Variants in CFAP57 observed in about 807,000 individuals in gnomAD.
CFAP57 encodes the protein cilia and flagella associated protein 57.
CFAP57 carries 116 observed loss-of-function variants against 146.8 expected under a neutral mutation model. The ratio of observed to expected loss-of-function variants is 0.79; its 90% CI spans 0.68 to 0.92. The LOEUF is 0.92. Among genes scored for constraint, CFAP57 ranks in the 40% least tolerant of loss-of-function variants. The pLI is 0.00. For missense variants in CFAP57, 1,377 were observed against 1,527.2 expected (o/e 0.90, Z 1.64); for synonymous variants, 518 against 552.8 (o/e 0.94, Z 0.88).
intron 11 of CFAP57, 108 bp from the exon 12 acceptor site, chr1:43,215,147 G>A: frequency 7.6e-7 from 1 of 1,316,422 alleles, no homozygotes; most frequent in Non-Finnish European, 1.1e-6. Context: ...ACCTCCCTGT[G>A]AGGCTGTGCC....
Position 43,172,784 on chromosome 1 carries a change from G to A in CFAP57, c.31G>A (p.Val11Ile), listed in dbSNP as rs139567559. The change falls in exon 2 of 23, where the codon GTT (valine) becomes ATT (isoleucine). Residue 11 changes from valine to isoleucine, a missense_variant. Coordinates refer to ENST00000372492, the MANE Select transcript of CFAP57 (RefSeq NM_001378189.1). MSAVVAQTLH[V>I]FGLRSHVANN... ...AGCCGTGGTAGCTCAGACGCTGCATGTTTTTGGTCTTCGATCCCACGTGGC... is the reference window on the plus strand; with the variant it reads ...AGCCGTGGTAGCTCAGACGCTGCATATTTTTGGTCTTCGATCCCACGTGGC... 183 of 1,614,150 alleles carry A rather than the reference G, an allele frequency of 1.1e-4. 1 individual carries two copies. The African/African-American group carries it at 2.1e-3, about 19-fold the overall frequency.
chr1:43,194,358 A>G (rs891930627), intron 6 of CFAP57, among the ~76,000 whole-genome samples: 7 of 151,892 alleles, frequency 4.6e-5, no homozygotes, highest in African/African-American at 1.7e-4. Context: ...TTTTCTATTG[A>G]TGCTTTCAAA....
At chr1:43,188,686 T>C (rs1443911235) in intron 6 of CFAP57, among the ~76,000 whole-genome samples, 1 of 152,244 alleles carries the variant, frequency 6.6e-6, no homozygotes, top group Non-Finnish European at 1.5e-5. Context: ...AGATATGTGA[T>C]TTGCAAATAC....
Position 43,181,525 on chromosome 1 carries a change from T to C in CFAP57, c.158-9T>C, listed in dbSNP as rs1308279773. 3.1e-5 allele frequency: 50 copies of C among 1,614,014 alleles called. No homozygotes were observed. Among genetic ancestry groups the C allele is most frequent in the Non-Finnish European group, 4.0e-5 (47 of 1,180,042 alleles). On this transcript the variant is annotated splice_polypyrimidine_tract_variant and intron_variant, in intron 2 of 22. Coordinates refer to ENST00000372492, the MANE Select transcript of CFAP57 (RefSeq NM_001378189.1). ...TACCCTGATTATTTCCTTTTTCCTC[T>C]GTTTGCAGGCTCAGAGAAGAGTCAG...
At chr1:43,248,085 G>T (rs1177654717) in intron 22 of CFAP57, among the ~76,000 whole-genome samples, 2 of 137,080 alleles carry the variant, frequency 1.5e-5, no homozygotes, top group African/African-American at 5.5e-5. Flanking sequence ...CTTGCAGTGA[G>T]CCAAGATTGC....
At chr1:43,232,752 C>T (rs1645524450) in intron 19 of CFAP57, 128 bp downstream of exon 19, 1 of 609,096 alleles carries the variant, frequency 1.6e-6, no homozygotes, top group Non-Finnish European at 2.8e-6. Flanking sequence ...AACTCACATT[C>T]TTTACTTGCT....
Position 43,219,438 on chromosome 1 carries a change from G to C in CFAP57, c.2148G>C (p.Glu716Asp). Reference protein sequence around the residue: ...TRVEELKMENEYQLRLKDMNY... With the variant: ...TRVEELKMENDYQLRLKDMNY... ...TGGAGGAATTAAAAATGGAGAATGA[G>C]TATCAACTCCGACTAAAGGACATGA... Residue 716 changes from glutamate to aspartate, a missense_variant, in exon 13 of 23, where the codon GAG (glutamate) becomes GAC (aspartate). Transcript: ENST00000372492. 6.4e-7 allele frequency: 1 copy of C among 1,550,586 alleles called. No individual in the cohort carries two copies. Among genetic ancestry groups the C allele is most frequent in the Non-Finnish European group, 8.7e-7 (1 of 1,146,984 alleles).
At position 43,185,203 on chromosome 1, in the gene CFAP57, G is replaced by T; in HGVS notation, c.816G>T (p.Val272=). 1.2e-6 allele frequency: 2 copies of T among 1,614,168 alleles called. No homozygotes were observed. The highest frequency in any genetic ancestry group is 1.6e-4 in the Middle Eastern group (1 of 6,062). ...SSPLPSYEQM[V]AASSHSQMSM... is the part of the protein sequence containing the mutation. ...CACTCCCTTCCTATGAACAGATGGT[G>T]GCGGCCAGTAGCCATAGCCAGATGT... The change falls in exon 5 of 23, where the codon GTG becomes GTT. Residue 272 remains valine (V), a synonymous_variant. Transcript: ENST00000372492.
chr1:43,199,614 AC>A (rs1402459923), intron 9 of CFAP57, 111 bp downstream of exon 9: 1 of 943,568 alleles, frequency 1.1e-6, no homozygotes, highest in Non-Finnish European at 1.7e-6. Context: ...TCATGGGTTC[AC>A]TGTCTACTTG....
Position 43,201,179 on chromosome 1 carries a change from A to G in CFAP57, c.1542+1676A>G, listed in dbSNP as rs1349860038. Among the ~76,000 whole-genome samples, 1 of 152,200 alleles carries G rather than the reference A, an allele frequency of 6.6e-6. No homozygotes were observed. The highest frequency in any genetic ancestry group is 1.9e-4 in the East Asian group (1 of 5,194). ...GTCAGAGGCATAGATTAGATCACCA[A>G]GGGCCTATGTAGAATCTGAGAAGAA... is the stretch of plus-strand genomic sequence containing the variant. On this transcript the variant is annotated intron_variant, in intron 9 of 22. Coordinates refer to ENST00000372492, the MANE Select transcript of CFAP57 (RefSeq NM_001378189.1). The surrounding 1 kb of genome is among the most constrained non-coding windows in gnomAD (Gnocchi z 4.4).
At chr1:43,242,294 A>G (rs1214456818) in intron 21 of CFAP57, among the ~76,000 whole-genome samples, 2 of 152,208 alleles carry the variant, frequency 1.3e-5, no homozygotes, top group African/African-American at 2.4e-5. Context: ...GGTGGCCACC[A>G]TGTTAAACTG....
At chr1:43,225,684 T>G (rs1217724961) in intron 17 of CFAP57, among the ~76,000 whole-genome samples, 1 of 152,250 alleles carries the variant, frequency 6.6e-6, no homozygotes, top group Non-Finnish European at 1.5e-5. Context: ...TTTACAACAT[T>G]TATCACATTT....
intron 3 of CFAP57, 151 bp downstream of exon 3, chr1:43,182,001 C>T (rs755183375): frequency 7.6e-6 from 7 of 919,264 alleles, no homozygotes; most frequent in East Asian, 2.6e-5. Context: ...AATCATTATC[C>T]CCATTTTACA....
In CFAP57 at chr1:43,199,780, G is replaced by A. The variant is rs190182387; in HGVS notation, c.1542+277G>A. 1.1e-3 allele frequency among the ~76,000 whole-genome samples: 174 copies of A among 152,198 alleles called. 3 individuals are homozygous for A. Among genetic ancestry groups the A allele is most frequent in the African/African-American group, 4.1e-3 (171 of 41,526 alleles). On this transcript the variant is annotated intron_variant, in intron 9 of 22. Coordinates refer to ENST00000372492, the MANE Select transcript of CFAP57 (RefSeq NM_001378189.1). ...CAAAGGCTTGGTCCTATAAGAGTGA[G>A]TAGGAGTTAATCAGACACAACTGGT... is the stretch of plus-strand genomic sequence containing the variant.
rs746782048 is a variant in CFAP57, at chr1:43,234,428, C to T, written c.3261+15C>T. On this transcript the variant is annotated intron_variant, in intron 20 of 22. Transcript: ENST00000372492. ...GAGCAGACATGGTAAGCTCAGCCTC[C>T]CCTCCTGCCATGCACTGACCTCCGG... The T allele has an allele frequency of 3.2e-6, 5 of 1,545,438 alleles. No individual in the cohort carries two copies. Among genetic ancestry groups the T allele is most frequent in the South Asian group, 1.2e-5 (1 of 83,264 alleles).
intron 21 of CFAP57, among the ~76,000 whole-genome samples, chr1:43,236,344 G>A (rs1645687724): frequency 6.6e-6 from 1 of 151,854 alleles, no homozygotes; most frequent in Non-Finnish European, 1.5e-5. Context: ...AGCTCTTTTT[G>A]TTGGAAAAAA....
intron 22 of CFAP57, among the ~76,000 whole-genome samples, chr1:43,249,115 C>T (rs1646234055): frequency 1.4e-5 from 2 of 147,148 alleles, no homozygotes; most frequent in Admixed American, 6.9e-5. Context: ...AGGATGGTCT[C>T]GATCTCCTGA....
At chr1:43,221,895 C>G (rs1234345152) in intron 14 of CFAP57, among the ~76,000 whole-genome samples, 1 of 152,120 alleles carries the variant, frequency 6.6e-6, no homozygotes, top group Non-Finnish European at 1.5e-5. Flanking sequence ...CTTTTCTTCC[C>G]AGAGCAGGCA....
rs542635417 is a variant in CFAP57, at chr1:43,227,230, C to G, written c.3009+104C>G. Reference sequence around the variant, plus strand: ...CTGAGGAGAAGCTCTTCTCACAGTCCTCTCTGCTCCCAAGGTGTGTGCAGC... The same window carrying G: ...CTGAGGAGAAGCTCTTCTCACAGTCGTCTCTGCTCCCAAGGTGTGTGCAGC... On this transcript the variant is annotated intron_variant, in intron 18 of 22. Transcript: ENST00000372492. 1.9e-4 allele frequency: 253 copies of G among 1,310,390 alleles called. 1 individual carries two copies. In the East Asian group the frequency reaches 6.5e-3, roughly 34 times the overall value. The allele number at this position is 1,310,390 out of a possible 1,614,324, so 81.2% of individuals were successfully genotyped here. A position where few individuals can be genotyped will look rare whatever the true frequency, so the allele number is the denominator to read the frequency against.
Sources: allele counts gnomAD v4.1 joint callset (sites outside exome capture counted in the v4.1 genomes callset), GRCh38; gene constraint gnomAD v4.1.1; non-coding constraint Gnocchi (gnomAD v3.1); transcripts MANE v1.5; gene names NCBI Gene and HGNC (gene_info 2026-07-23, HGNC 2026-07-21).